VPS13D: variants seen among roughly 807,000 people sequenced by gnomAD.
VPS13D encodes vacuolar protein sorting 13 homolog D, also known as intermembrane lipid transfer protein VPS13D.
VPS13D carries 187 observed loss-of-function variants against 461.9 expected under a neutral mutation model. That is an observed-to-expected ratio of 0.40 (90% CI 0.36 to 0.46). VPS13D has a LOEUF of 0.46. Among genes scored for constraint, VPS13D ranks in the 20% least tolerant of loss-of-function variants. The pLI is 0.60. For missense variants in VPS13D, 4,711 were observed against 5,364.9 expected (o/e 0.88, Z 3.81); for synonymous variants, 1,951 against 1,986.3 (o/e 0.98, Z 0.47).
chr1:12,303,854 T>C (rs1287487656), intron 25 of VPS13D, among the ~76,000 whole-genome samples: 1 of 152,250 alleles, frequency 6.6e-6, no homozygotes, highest in African/African-American at 2.4e-5. Flanking sequence ...GATTTTCCTC[T>C]GTTAGCAGTT....
chr1:12,503,753 C>T (rs557512649), intron 68 of VPS13D, among the ~76,000 whole-genome samples: 4 of 152,272 alleles, frequency 2.6e-5, no homozygotes, highest in Non-Finnish European at 5.9e-5. Context: ...GGCCTTCTTC[C>T]CTTGAGGTTT....
intron 65 of VPS13D, among the ~76,000 whole-genome samples, chr1:12,453,115 A>C (rs1645284058): frequency 6.6e-6 from 1 of 152,160 alleles, no homozygotes. Context: ...CCCAGGACCC[A>C]GTTGGTGCTG....
chr1:12,400,436 C>A, intron 61 of VPS13D, 106 bp downstream of exon 61: 1 of 1,364,508 alleles, frequency 7.3e-7, no homozygotes, highest in Non-Finnish European at 1.0e-6. Flanking sequence ...ATGGGAATAG[C>A]TCTGCAGGGT....
At chr1:12,417,784 T>A (rs1644814370) in intron 65 of VPS13D, among the ~76,000 whole-genome samples, 1 of 152,210 alleles carries the variant, frequency 6.6e-6, no homozygotes, top group Non-Finnish European at 1.5e-5. Flanking sequence ...ATTTATTCTT[T>A]TTTCCCCAAA....
chr1:12,400,962 GCACACACA>G (rs55998605), intron 61 of VPS13D, among the ~76,000 whole-genome samples: 1,270 of 106,298 alleles, frequency 0.012, 28 homozygotes, highest in Admixed American at 0.064. Context: ...CTGCGCGCGC[GCACACACA>G]CACACACACA....
Position 12,363,110 on chromosome 1 carries a change from T to A in VPS13D, c.10311T>A (p.Pro3437=), listed in dbSNP as rs139966573. Residue 3437 remains proline (P), a synonymous_variant, in exon 52 of 70, where the codon CCT becomes CCA. Transcript: ENST00000620676. ...CCGAAGGTTACATTTCCACCCTTCC[T>A]GGTTCCAGTGTGGTGTTCCACTGGC... is the stretch of plus-strand genomic sequence containing the variant. The part of the protein sequence containing the change: ...ANPEGYISTL[P]GSSVVFHWPR... 3 of 1,614,242 alleles carry A rather than the reference T, an allele frequency of 1.9e-6. No individual in the cohort carries two copies. The highest frequency in any genetic ancestry group is 2.5e-6 in the Non-Finnish European group (3 of 1,180,044).
intron 60 of VPS13D, among the ~76,000 whole-genome samples, chr1:12,395,964 AG>A (rs1644489250): frequency 7.5e-6 from 1 of 133,334 alleles, no homozygotes; most frequent in African/African-American, 2.9e-5. Context: ...TGTATTAGTC[AG>A]GGTTCTCTTA....
chr1:12,456,666 G>T (rs903644719), intron 66 of VPS13D, among the ~76,000 whole-genome samples: 87 of 148,556 alleles, frequency 5.9e-4, no homozygotes, highest in Non-Finnish European at 1.0e-3. Context: ...AAAAAGAAAA[G>T]GCTGACAACA....
intron 35 of VPS13D, among the ~76,000 whole-genome samples, chr1:12,324,541 A>G (rs1037227206): frequency 2.0e-5 from 3 of 152,146 alleles, no homozygotes; most frequent in Non-Finnish European, 4.4e-5. Flanking sequence ...GACTGGGTTC[A>G]GATCCTTACT....
At chr1:12,491,614 A>C (rs954824056) in intron 67 of VPS13D, among the ~76,000 whole-genome samples, 24 of 152,148 alleles carry the variant, frequency 1.6e-4, no homozygotes, top group African/African-American at 5.3e-4. Context: ...CCTCCGGTGT[A>C]TATCAGATAG....
At position 12,362,835 on chromosome 1, in the gene VPS13D, A is replaced by G. The variant is rs1380474094; in HGVS notation, c.10257A>G (p.Glu3419=). Residue 3419 remains glutamate (E), a synonymous_variant, in exon 51 of 70, where the codon GAA becomes GAG. Coordinates refer to ENST00000620676, the MANE Select transcript of VPS13D (RefSeq NM_015378.4). ...SSHKLAFAQR[E]FARGQGTANP... The stretch of plus-strand genomic sequence containing the variant: ...ACAAGCTTGCATTTGCACAGAGGGA[A>G]TTTGCCAGGGGACAGGTGAGCAGTT... 1.1e-5 allele frequency: 17 copies of G among 1,614,142 alleles called. No homozygotes were observed. Among genetic ancestry groups the G allele is most frequent in the Non-Finnish European group, 1.4e-5 (17 of 1,180,006 alleles).
chr1:12,425,295 C>A (rs1030448402), intron 65 of VPS13D, among the ~76,000 whole-genome samples: 5 of 152,124 alleles, frequency 3.3e-5, no homozygotes, highest in African/African-American at 1.2e-4. Context: ...TGGTGACTGA[C>A]ACCTGTAATC....
At chr1:12,356,921 C>A (rs1191546337) in intron 49 of VPS13D, among the ~76,000 whole-genome samples, 1 of 152,172 alleles carries the variant, frequency 6.6e-6, no homozygotes, top group Non-Finnish European at 1.5e-5. Flanking sequence ...CCGTCAGCCT[C>A]ATTAATCCAA....
chr1:12,359,014 T>G (rs1643913078), intron 50 of VPS13D, among the ~76,000 whole-genome samples: 1 of 152,140 alleles, frequency 6.6e-6, no homozygotes, highest in South Asian at 2.1e-4. Flanking sequence ...GGAGAGAGGT[T>G]AAGTGACCTG....
intron 68 of VPS13D, among the ~76,000 whole-genome samples, chr1:12,503,169 A>T (rs2100556191): frequency 6.6e-6 from 1 of 152,230 alleles, no homozygotes; most frequent in South Asian, 2.1e-4. Flanking sequence ...GCATTCTACT[A>T]AGGCGGCACT....
chr1:12,464,782 C>T (rs1214753727), intron 67 of VPS13D, among the ~76,000 whole-genome samples: 1 of 152,116 alleles, frequency 6.6e-6, no homozygotes, highest in African/African-American at 2.4e-5. Flanking sequence ...GGACCAATAT[C>T]CCCCACTGCA....
chr1:12,282,195 T>C (rs1641806645), intron 20 of VPS13D, among the ~76,000 whole-genome samples: 1 of 152,226 alleles, frequency 6.6e-6, no homozygotes, highest in Admixed American at 6.5e-5. Context: ...GCTGAAAATA[T>C]TTTTAATAAG....
At position 12,267,014 on chromosome 1, in the gene VPS13D, A is replaced by G. The variant is rs750057870; in HGVS notation, c.1725+3A>G. 1.3e-6 allele frequency: 2 copies of G among 1,580,246 alleles called. No individual in the cohort carries two copies. Among genetic ancestry groups the G allele is most frequent in the Non-Finnish European group, 8.6e-7 (1 of 1,167,656 alleles). ...CTCTTCTAGTCTTCCCTAATCCAGT[A>G]TGTACAACAGTTGGATAGTTAATGT... On this transcript the variant is annotated splice_donor_region_variant and intron_variant, in intron 14 of 69. Coordinates refer to ENST00000620676, the MANE Select transcript of VPS13D (RefSeq NM_015378.4).
chr1:12,475,955 G>A (rs752178635), intron 67 of VPS13D, among the ~76,000 whole-genome samples: 1 of 151,888 alleles, frequency 6.6e-6, no homozygotes, highest in Non-Finnish European at 1.5e-5. Context: ...ATGGTGTGTG[G>A]GTGTGAAAAA....
Sources: allele counts gnomAD v4.1 joint callset (sites outside exome capture counted in the v4.1 genomes callset), GRCh38; gene constraint gnomAD v4.1.1; transcripts MANE v1.5; gene names NCBI Gene and HGNC (gene_info 2026-07-23, HGNC 2026-07-21).